PTPRZ1: variants seen among roughly 807,000 people sequenced by gnomAD.
PTPRZ1 encodes the protein receptor-type tyrosine-protein phosphatase zeta.
A neutral mutation model predicts 214.1 loss-of-function variants in PTPRZ1; 82 were observed. The observed-to-expected ratio is 0.38, with a 90% CI of 0.32 to 0.46. The LOEUF is 0.46. PTPRZ1 is among the 20% of genes least tolerant of loss of function. PTPRZ1 has a pLI of 1.00. For synonymous variants in PTPRZ1, 945 were observed against 987.9 expected (o/e 0.96, Z 0.81); for missense variants, 2,603 against 2,748.7 (o/e 0.95, Z 1.19).
intron 10 of PTPRZ1, among the ~76,000 whole-genome samples, chr7:122,001,660 A>G (rs1250435115): frequency 6.6e-6 from 1 of 152,222 alleles, no homozygotes; most frequent in Non-Finnish European, 1.5e-5. Flanking sequence ...ATCTTCAAAC[A>G]ATTAAATAAG....
At chr7:122,046,314 G>A (rs1791979527) in intron 23 of PTPRZ1, among the ~76,000 whole-genome samples, 1 of 152,082 alleles carries the variant, frequency 6.6e-6, no homozygotes, top group South Asian at 2.1e-4. Flanking sequence ...AGGCTGAGGT[G>A]AGAGAATTGC....
chr7:122,008,896 C>A (rs1798566437), intron 11 of PTPRZ1, among the ~76,000 whole-genome samples: 1 of 152,018 alleles, frequency 6.6e-6, no homozygotes, highest in Non-Finnish European at 1.5e-5. Flanking sequence ...AAAAGCAAGT[C>A]AAGGCAAATT....
intron 2 of PTPRZ1, among the ~76,000 whole-genome samples, chr7:121,942,236 A>C (rs1328090985): frequency 6.6e-6 from 1 of 152,214 alleles, no homozygotes; most frequent in East Asian, 1.9e-4. Flanking sequence ...TCTTCTGCAA[A>C]TTGATTGACA....
chr7:121,923,258 A>T (rs923645540), intron 1 of PTPRZ1, among the ~76,000 whole-genome samples: 1 of 152,086 alleles, frequency 6.6e-6, no homozygotes, highest in Non-Finnish European at 1.5e-5. Flanking sequence ...TCTTTGCCAC[A>T]TTTCTAGACT....
chr7:121,969,313 G>A (rs1452246400), intron 3 of PTPRZ1, among the ~76,000 whole-genome samples: 1 of 152,140 alleles, frequency 6.6e-6, no homozygotes, highest in African/African-American at 2.4e-5. Flanking sequence ...TGTAATCCCA[G>A]CATTTTGGGA....
rs1798991339 is a variant in PTPRZ1 at position 122,020,795 on chromosome 7, G to A, written c.4988+1527G>A. Reference sequence around the variant, plus strand: ...CAAACAAACCTGGTTTCTTTAGTCTGTATCCCGGTGATTCCAATAATTGCC... The same window carrying A: ...CAAACAAACCTGGTTTCTTTAGTCTATATCCCGGTGATTCCAATAATTGCC... On this transcript the variant is annotated intron_variant, in intron 13 of 29. Coordinates refer to ENST00000393386, the MANE Select transcript of PTPRZ1 (RefSeq NM_002851.3). Among the ~76,000 whole-genome samples, 3 of 150,500 alleles carry A rather than the reference G, an allele frequency of 2.0e-5. 1 individual carries two copies. In the Admixed American group the frequency reaches 2.0e-4, roughly 10 times the overall value.
chr7:122,047,138 G>C (rs749540057), intron 23 of PTPRZ1, among the ~76,000 whole-genome samples: 14 of 152,186 alleles, frequency 9.2e-5, no homozygotes, highest in Non-Finnish European at 1.8e-4. Context: ...GGGAATGGAG[G>C]AGGCCGTTGG....
At chr7:122,053,340 C>T (rs1739079847) in intron 25 of PTPRZ1, among the ~76,000 whole-genome samples, 1 of 152,048 alleles carries the variant, frequency 6.6e-6, no homozygotes, top group African/African-American at 2.4e-5. Context: ...TGAGGGTCAG[C>T]GAGGCCAGCC....
At position 121,913,432 on chromosome 7, in the gene PTPRZ1, C is replaced by T. The variant is rs184109868; in HGVS notation, c.59-14724C>T. Reference sequence around the variant, plus strand: ...CCATAATATGAAATAGTTTGAGAAGCTTTGCATTAGGGGAAGTGACCTCAG... The same window carrying T: ...CCATAATATGAAATAGTTTGAGAAGTTTTGCATTAGGGGAAGTGACCTCAG... On this transcript the variant is annotated intron_variant, in intron 1 of 29. Transcript: ENST00000393386. Among the ~76,000 whole-genome samples the T allele has an allele frequency of 1.1e-4, 16 of 152,316 alleles. No homozygotes were observed. The East Asian group carries it at 2.7e-3, about 26-fold the overall frequency.
intron 26 of PTPRZ1, among the ~76,000 whole-genome samples, chr7:122,054,247 A>G (rs1238620051): frequency 6.6e-6 from 1 of 152,206 alleles, no homozygotes; most frequent in Non-Finnish European, 1.5e-5. Context: ...AAATGAAAGT[A>G]GATATAAATG....
At chr7:122,026,176 G>A (rs1799201875) in intron 13 of PTPRZ1, among the ~76,000 whole-genome samples, 1 of 152,120 alleles carries the variant, frequency 6.6e-6, no homozygotes, top group South Asian at 2.1e-4. Context: ...AGGAAATAAG[G>A]AGGATTCAAA....
Position 122,011,436 on chromosome 7 carries a change from C to T in PTPRZ1, c.2390C>T (p.Thr797Met), listed in dbSNP as rs764900751. The change falls in exon 12 of 30, where the codon ACG (threonine) becomes ATG (methionine). Residue 797 changes from threonine to methionine, a missense_variant. Thr to Met is a moderately conservative substitution (Grantham distance 81). Around this residue, in one of 6 missense-constraint regions of PTPRZ1, gnomAD observed 1,913 missense variants for 1,914.3 expected, o/e 1.00. Coordinates refer to ENST00000393386, the MANE Select transcript of PTPRZ1 (RefSeq NM_002851.3). ...ASSSDSALHATPVFPSVDVSF... is the reference protein window; with the variant it reads ...ASSSDSALHAMPVFPSVDVSF... The stretch of plus-strand genomic sequence containing the variant: ...AGTAGTGATTCGGCCTTGCATGCTA[C>T]GCCTGTATTTCCCAGTGTCGATGTG... 9.3e-6 allele frequency: 15 copies of T among 1,613,988 alleles called. No individual in the cohort carries two copies. Among genetic ancestry groups the T allele is most frequent in the Middle Eastern group, 1.6e-4 (1 of 6,082 alleles).
chr7:121,902,487 T>G (rs1008578949), intron 1 of PTPRZ1, among the ~76,000 whole-genome samples: 1 of 152,190 alleles, frequency 6.6e-6, no homozygotes, highest in African/African-American at 2.4e-5. Context: ...TGACAGGGAA[T>G]AAGAGTTCTC....
Position 122,012,138 on chromosome 7 carries a change from C to T in PTPRZ1, c.3092C>T (p.Thr1031Ile). 1 of 1,613,750 alleles carries T rather than the reference C, an allele frequency of 6.2e-7. No individual in the cohort carries two copies. Among genetic ancestry groups the T allele is most frequent in the Non-Finnish European group, 8.5e-7 (1 of 1,179,668 alleles). ...TCTGTAGCTGAATTTACATATACAACATCTGTGTTTGGTGATGATAATAAG... is the reference window on the plus strand; with the variant it reads ...TCTGTAGCTGAATTTACATATACAATATCTGTGTTTGGTGATGATAATAAG... Reference protein sequence around the residue: ...PVSVAEFTYTTSVFGDDNKAL... With the variant: ...PVSVAEFTYTISVFGDDNKAL... Residue 1031 changes from threonine to isoleucine, a missense_variant, in exon 12 of 30, where the codon ACA becomes ATA. This residue lies in a region of PTPRZ1 where 1,913 missense variants were observed against 1,914.3 expected (regional missense o/e 1.00). Coordinates refer to ENST00000393386, the MANE Select transcript of PTPRZ1 (RefSeq NM_002851.3).
Position 122,028,596 on chromosome 7 carries a change from C to A in PTPRZ1, c.5033C>A (p.Ser1678Tyr). Residue 1678 changes from serine to tyrosine, a missense_variant, in exon 14 of 30, where the codon TCC becomes TAC. Ser to Tyr is a moderately radical substitution (Grantham distance 144, BLOSUM62 -2). This residue lies in a region of PTPRZ1 where 1,913 missense variants were observed against 1,914.3 expected (regional missense o/e 1.00). Coordinates refer to ENST00000393386, the MANE Select transcript of PTPRZ1 (RefSeq NM_002851.3). ...CACTTTTACTTAGAGGACAGTACAT[C>A]CCCTAGAGTTATATCCACACCTCCA... The part of the protein sequence containing the change: ...TAHFYLEDST[S>Y]PRVISTPPTP... The A allele has an allele frequency of 1.9e-6, 3 of 1,550,504 alleles. No homozygotes were observed. The highest frequency in any genetic ancestry group is 2.7e-6 in the Non-Finnish European group (3 of 1,122,504).
chr7:122,053,953 T>C lies in PTPRZ1; in HGVS notation c.6296T>C (p.Leu2099Pro), dbSNP rs1396560841. The C allele has an allele frequency of 6.2e-7, 1 of 1,613,320 alleles. No homozygotes were observed. The highest frequency in any genetic ancestry group is 1.1e-5 in the South Asian group (1 of 91,068). ...GAATTCATCATTACCCAGCACCCTC[T>C]CCTTCATACCATCAAGGATTTCTGG... ...SNEFIITQHP[L>P]LHTIKDFWRM... The change falls in exon 26 of 30, where the codon CTC becomes CCC. Residue 2099 changes from leucine (L) to proline (P), a missense_variant. This residue lies in a region of PTPRZ1 where 134 missense variants were observed against 183.3 expected (regional missense o/e 0.73). Coordinates refer to ENST00000393386, the MANE Select transcript of PTPRZ1 (RefSeq NM_002851.3).
chr7:121,950,611 A>G lies in PTPRZ1; in HGVS notation c.125-17340A>G, dbSNP rs193268655. The stretch of plus-strand genomic sequence containing the variant: ...CCCTGCCTTAGTAAGTATGTATGCA[A>G]ATTTCTACACTGAATATTATCTCCT... On this transcript the variant is annotated intron_variant, in intron 2 of 29. Transcript: ENST00000393386. Among the ~76,000 whole-genome samples the G allele has an allele frequency of 1.5e-3, 222 of 152,298 alleles. 1 individual carries two copies. The highest frequency in any genetic ancestry group is 5.1e-3 in the African/African-American group (210 of 41,562).
chr7:121,964,702 A>C (rs1360362751), intron 2 of PTPRZ1, among the ~76,000 whole-genome samples: 1 of 152,204 alleles, frequency 6.6e-6, no homozygotes, highest in Non-Finnish European at 1.5e-5. Flanking sequence ...AAGGAGAGTT[A>C]CCAAGGGAGG....
At chr7:121,963,648 G>T (rs1563039956) in intron 2 of PTPRZ1, among the ~76,000 whole-genome samples, 1 of 152,144 alleles carries the variant, frequency 6.6e-6, no homozygotes, top group Non-Finnish European at 1.5e-5. Flanking sequence ...CATAGGGTCA[G>T]TTTGGGGACA....
Sources: allele counts gnomAD v4.1 joint callset (sites outside exome capture counted in the v4.1 genomes callset), GRCh38; gene constraint gnomAD v4.1.1; regional missense constraint gnomAD v4.1.1; transcripts MANE v1.5; gene names NCBI Gene and HGNC (gene_info 2026-07-23, HGNC 2026-07-21).